The following KCND3 variants were observed in gnomAD, a reference collection of about 807,000 sequenced individuals.
KCND3 encodes the protein potassium voltage-gated channel subfamily D member 3, also known as A-type voltage-gated potassium channel KCND3.
In KCND3, 9 loss-of-function variants were observed where a neutral mutation model predicts 51.1. That is an observed-to-expected ratio of 0.18 (90% confidence interval 0.11 to 0.31). KCND3 has a LOEUF of 0.31. Among genes scored for constraint, KCND3 ranks in the 10% least tolerant of loss-of-function variants. The pLI is 1.00. For missense variants in KCND3, 526 were observed against 903.8 expected (o/e 0.58, Z 5.36); for synonymous variants, 349 against 368.0 (o/e 0.95, Z 0.59).
chr1:111,829,513 G>C (rs1245372325), intron 2 of KCND3, among the ~76,000 whole-genome samples: 1 of 152,140 alleles, frequency 6.6e-6, no homozygotes, highest in Non-Finnish European at 1.5e-5. Context: ...TTAAGTTGGA[G>C]AATGGTCTTC....
At chr1:111,825,899 G>A (rs758855035) in intron 2 of KCND3, among the ~76,000 whole-genome samples, 3 of 152,204 alleles carry the variant, frequency 2.0e-5, no homozygotes, top group Non-Finnish European at 4.4e-5. Context: ...GATCCAAGAA[G>A]TGACTCTCCT....
At chr1:111,914,186 A>C (rs981609516) in intron 2 of KCND3, among the ~76,000 whole-genome samples, 3 of 152,092 alleles carry the variant, frequency 2.0e-5, no homozygotes, top group African/African-American at 7.2e-5. Flanking sequence ...ATAATAAATG[A>C]GATTAACAGA....
intron 2 of KCND3, among the ~76,000 whole-genome samples, chr1:111,915,862 A>T (rs1250070388): frequency 3.9e-5 from 6 of 152,108 alleles, no homozygotes; most frequent in African/African-American, 1.2e-4. Context: ...ATAAAGGGAT[A>T]AATTAAAAAA....
At chr1:111,961,428 A>T (rs1452691902) in intron 2 of KCND3, among the ~76,000 whole-genome samples, 2 of 152,000 alleles carry the variant, frequency 1.3e-5, no homozygotes, top group Non-Finnish European at 2.9e-5. Context: ...TGTGATGGGG[A>T]CGGTCCATTC....
intron 2 of KCND3, chr1:111,853,985 T>A (rs1259667171): frequency 6.6e-6 from 1 of 152,228 alleles, no homozygotes; most frequent in Non-Finnish European, 1.5e-5. Context: ...AGGAGAGTGG[T>A]TCATATAAGG....
chr1:111,785,296 TCC>T (rs1317305775), intron 3 of KCND3, among the ~76,000 whole-genome samples: 2 of 152,174 alleles, frequency 1.3e-5, no homozygotes, highest in Non-Finnish European at 2.9e-5. Flanking sequence ...GGGAAGGAGA[TCC>T]CAGTTTCTGT....
rs995181566 is a variant in KCND3, at chr1:111,780,006, C to T, written c.1461+219G>A. On this transcript the variant is annotated intron_variant, in intron 5 of 7. Coordinates refer to ENST00000302127, the MANE Select transcript of KCND3 (RefSeq NM_001378969.1). This position sits in a 1 kb window ranked among gnomAD's most constrained non-coding sequence, Gnocchi z 4.2. ...GTGTGTGGGAGGCTGGGGGAATGGCCTCCTCAATGCTCCTGCAGGACAGAG... is the reference window on the plus strand; with the variant it reads ...GTGTGTGGGAGGCTGGGGGAATGGCTTCCTCAATGCTCCTGCAGGACAGAG... 6.6e-6 allele frequency among the ~76,000 whole-genome samples: 1 copy of T among 152,174 alleles called. No homozygotes were observed. Among genetic ancestry groups the T allele is most frequent in the East Asian group, 1.9e-4 (1 of 5,192 alleles).
At chr1:111,872,695 T>G (rs1668880008) in intron 2 of KCND3, among the ~76,000 whole-genome samples, 1 of 152,194 alleles carries the variant, frequency 6.6e-6, no homozygotes, top group East Asian at 1.9e-4. Context: ...AGACAATAAA[T>G]GAACAACACA....
At chr1:111,783,901 G>C (rs758459742) in intron 3 of KCND3, among the ~76,000 whole-genome samples, 3 of 152,036 alleles carry the variant, frequency 2.0e-5, no homozygotes, top group Non-Finnish European at 4.4e-5. Context: ...AATACCCAAA[G>C]GTTACCTATT....
intron 2 of KCND3, among the ~76,000 whole-genome samples, chr1:111,978,278 C>T (rs1342580936): frequency 2.0e-5 from 3 of 152,178 alleles, no homozygotes; most frequent in South Asian, 2.1e-4. Context: ...GTGCATCAGT[C>T]GGCCCTGCTC....
Position 111,855,540 on chromosome 1 carries a change from G to A in KCND3, c.1107-68434C>T, listed in dbSNP as rs192886843. On this transcript the variant is annotated intron_variant, in intron 2 of 7. Coordinates refer to ENST00000302127, the MANE Select transcript of KCND3 (RefSeq NM_001378969.1). ...GAGAAGGCTGTGGAGGGGATCTTCC[G>A]ATAGCAAGGAGGCTGCTGGATCTCT... Among the ~76,000 whole-genome samples the A allele has an allele frequency of 1.6e-3, 245 of 152,280 alleles. 1 individual carries two copies. The highest frequency in any genetic ancestry group is 5.7e-3 in the African/African-American group (236 of 41,560).
chr1:111,802,481 T>C (rs185077361), intron 2 of KCND3, among the ~76,000 whole-genome samples: 183 of 152,340 alleles, frequency 1.2e-3, no homozygotes, highest in Non-Finnish European at 1.9e-3. Flanking sequence ...TCTCTAGTTG[T>C]GTGACTTCGG....
intron 2 of KCND3, among the ~76,000 whole-genome samples, chr1:111,927,276 C>T (rs993996987): frequency 1.3e-5 from 2 of 152,212 alleles, no homozygotes; most frequent in Admixed American, 6.5e-5. Flanking sequence ...AGGAGCAGGG[C>T]TCCCTCTTAC....
chr1:111,854,898 A>C (rs757497631), intron 2 of KCND3, among the ~76,000 whole-genome samples: 2 of 152,158 alleles, frequency 1.3e-5, no homozygotes, highest in African/African-American at 2.4e-5. Context: ...CTCGCTGTCT[A>C]GTCAGTGCCA....
chr1:111,892,152 A>G (rs17028972), intron 2 of KCND3, among the ~76,000 whole-genome samples: 12,186 of 152,246 alleles, frequency 0.08, 535 homozygotes, highest in East Asian at 0.18. Flanking sequence ...CAAAACCAGA[A>G]CTGACGACGA....
At chr1:111,957,557 T>A (rs1343813165) in intron 2 of KCND3, among the ~76,000 whole-genome samples, 1 of 151,492 alleles carries the variant, frequency 6.6e-6, no homozygotes, top group Non-Finnish European at 1.5e-5. Context: ...ATGATATAAG[T>A]TTAAAAAAAA....
chr1:111,858,339 GA>G (rs1399241211), intron 2 of KCND3, among the ~76,000 whole-genome samples: 1 of 152,168 alleles, frequency 6.6e-6, no homozygotes, highest in Non-Finnish European at 1.5e-5. Flanking sequence ...TGTAAAAGGT[GA>G]GTAAGTTCAA....
At chr1:111,815,134 G>C (rs542093017) in intron 2 of KCND3, among the ~76,000 whole-genome samples, 1 of 152,214 alleles carries the variant, frequency 6.6e-6, no homozygotes, top group East Asian at 1.9e-4. Flanking sequence ...TCAGAGCCTT[G>C]GTGGTAGAAC....
intron 2 of KCND3, among the ~76,000 whole-genome samples, chr1:111,925,262 C>T (rs960461580): frequency 3.3e-5 from 5 of 152,216 alleles, no homozygotes; most frequent in Non-Finnish European, 5.9e-5. Context: ...ATTTGCTGTA[C>T]GTGGGTTAAC....
Sources: allele counts gnomAD v4.1 joint callset (sites outside exome capture counted in the v4.1 genomes callset), GRCh38; gene constraint gnomAD v4.1.1; non-coding constraint Gnocchi (gnomAD v3.1); transcripts MANE v1.5; gene names NCBI Gene and HGNC (gene_info 2026-07-23, HGNC 2026-07-21).